Variants in ASRGL1 observed in about 807,000 individuals in gnomAD.
ASRGL1 encodes the protein isoaspartyl peptidase/L-asparaginase.
ASRGL1 carries 16 observed loss-of-function variants against 22.4 expected under a neutral mutation model. The ratio of observed to expected loss-of-function variants is 0.71; its 90% CI spans 0.48 to 1.08. The LOEUF is 1.08. Ranked by LOEUF, ASRGL1 falls within the 50% of genes least tolerant of loss-of-function variation. The pLI, the probability that ASRGL1 is intolerant of heterozygous loss-of-function variation, is 0.00. For synonymous variants in ASRGL1, 165 were observed against 159.3 expected (o/e 1.04, Z -0.27); for missense variants, 412 against 410.1 (o/e 1.00, Z -0.04).
At chr11:62,369,412 A>T (rs985901129) in intron 4 of ASRGL1, among the ~76,000 whole-genome samples, 1 of 152,146 alleles carries the variant, frequency 6.6e-6, no homozygotes, top group Non-Finnish European at 1.5e-5. Context: ...ACTTCTTTCT[A>T]CATAGACACA....
Position 62,362,200 on chromosome 11 carries a change from A to C in ASRGL1, c.491+5056A>C, listed in dbSNP as rs183098665. ...AGAGGGAATAAATGCAGTGTCTTCT[A>C]GATATGCCCAAAGATGGAATATCTT... is the stretch of plus-strand genomic sequence containing the variant. On this transcript the variant is annotated intron_variant, in intron 4 of 6. Transcript: ENST00000415229. Among the ~76,000 whole-genome samples, 539 of 152,078 alleles carry C rather than the reference A, an allele frequency of 3.5e-3. 2 individuals are homozygous for C. Among genetic ancestry groups the C allele is most frequent in the African/African-American group, 0.012 (511 of 41,488 alleles).
chr11:62,362,683 A>ATT (rs1946497561), intron 4 of ASRGL1, among the ~76,000 whole-genome samples: 1 of 85,942 alleles, frequency 1.2e-5, no homozygotes, highest in Non-Finnish European at 2.1e-5. Flanking sequence ...TATATTATAT[A>ATT]AAATATATAT....
At chr11:62,388,381 G>T (rs1383645546) in intron 4 of ASRGL1, among the ~76,000 whole-genome samples, 2 of 152,208 alleles carry the variant, frequency 1.3e-5, no homozygotes, top group African/African-American at 2.4e-5. Flanking sequence ...AGAAACGCAG[G>T]ATCAGCCAGG....
At chr11:62,356,903 TA>T in intron 3 of ASRGL1, 83 bp from the exon 4 acceptor site, 1 of 1,436,830 alleles carries the variant, frequency 7.0e-7, no homozygotes, top group Non-Finnish European at 9.3e-7. Context: ...CAGAGAGAAG[TA>T]ATTATTTCAA....
At chr11:62,373,569 A>G (rs1284035559) in intron 4 of ASRGL1, among the ~76,000 whole-genome samples, 3 of 152,148 alleles carry the variant, frequency 2.0e-5, no homozygotes, top group Non-Finnish European at 2.9e-5. Flanking sequence ...AGGAATCGCC[A>G]TTTACTCAGA....
chr11:62,369,896 T>C (rs929255794), intron 4 of ASRGL1, among the ~76,000 whole-genome samples: 2 of 152,152 alleles, frequency 1.3e-5, no homozygotes, highest in African/African-American at 4.8e-5. Context: ...CTATCTTCCA[T>C]CCAAATGACA....
intron 3 of ASRGL1, 76 bp downstream of exon 3, chr11:62,356,543 A>G (rs1176430987): frequency 6.6e-7 from 1 of 1,504,440 alleles, no homozygotes; most frequent in African/African-American, 1.4e-5. Context: ...CCAACTGTGC[A>G]GAAATACTTG....
intron 2 of ASRGL1, among the ~76,000 whole-genome samples, chr11:62,345,233 G>C (rs1406495487): frequency 6.6e-6 from 1 of 152,190 alleles, no homozygotes; most frequent in Non-Finnish European, 1.5e-5. Context: ...GTAGCCGGCA[G>C]TGGGATTGCT....
chr11:62,386,478 G>GTACACATCA (rs1947212151), intron 4 of ASRGL1, among the ~76,000 whole-genome samples: 1 of 149,176 alleles, frequency 6.7e-6, no homozygotes, highest in Non-Finnish European at 1.5e-5. Context: ...TCATAGATAT[G>GTACACATCA]TACATATATA....
intron 5 of ASRGL1, among the ~76,000 whole-genome samples, chr11:62,390,291 G>T (rs979546723): frequency 6.6e-6 from 1 of 152,236 alleles, no homozygotes; most frequent in Non-Finnish European, 1.5e-5. Context: ...AGAACTCTCT[G>T]TCCAGCTGTG....
chr11:62,375,200 G>C (rs901627229), intron 4 of ASRGL1, among the ~76,000 whole-genome samples: 4 of 151,970 alleles, frequency 2.6e-5, no homozygotes, highest in Admixed American at 1.3e-4. Flanking sequence ...GCTTCCTAAT[G>C]GGTTAAATCC....
At chr11:62,361,481 A>ATTTTTTTTTTTTTTT (rs35345092) in intron 4 of ASRGL1, among the ~76,000 whole-genome samples, 1 of 101,912 alleles carries the variant, frequency 9.8e-6, no homozygotes. Flanking sequence ...AACCTGGCCA[A>ATTTTTTTTTTTTTTT]TTTTTTTTTT....
chr11:62,379,733 A>G (rs1389741050), intron 4 of ASRGL1, among the ~76,000 whole-genome samples: 2 of 152,070 alleles, frequency 1.3e-5, no homozygotes, highest in South Asian at 2.1e-4. Context: ...GCAGGGGACA[A>G]TTGTTGTATT....
At chr11:62,398,115 G>A (rs541045386), downstream of ASRGL1, among the ~76,000 whole-genome samples, 7 of 152,158 alleles carry the variant, frequency 4.6e-5, no homozygotes, top group South Asian at 1.5e-3. Flanking sequence ...GCCACCGCAG[G>A]AGCCATGCAG....
At chr11:62,371,332 G>GGCA in intron 4 of ASRGL1, 1 of 1,239,404 alleles carries the variant, frequency 8.1e-7, no homozygotes, top group East Asian at 2.9e-5. Flanking sequence ...CCCCGGCAGG[G>GGCA]GCAAGCGCGC....
At chr11:62,340,425 C>T (rs1443100106) in intron 2 of ASRGL1, among the ~76,000 whole-genome samples, 2 of 152,204 alleles carry the variant, frequency 1.3e-5, no homozygotes, top group Admixed American at 6.5e-5. Context: ...AAACCTTACG[C>T]TTCTTAGCAC....
chr11:62,372,071 G>A, intron 4 of ASRGL1: 1 of 761,438 alleles, frequency 1.3e-6, no homozygotes, highest in Non-Finnish European at 2.4e-6. Context: ...GCGGACAGTG[G>A]TCTCTGGCTC....
chr11:62,375,476 A>G (rs1174160305), intron 4 of ASRGL1, among the ~76,000 whole-genome samples: 1 of 82,096 alleles, frequency 1.2e-5, no homozygotes, highest in East Asian at 4.6e-4. Flanking sequence ...ATATATATAT[A>G]TATATTTCTT....
intron 4 of ASRGL1, among the ~76,000 whole-genome samples, chr11:62,386,777 A>G (rs1437107379): frequency 6.6e-6 from 1 of 152,184 alleles, no homozygotes; most frequent in Non-Finnish European, 1.5e-5. Flanking sequence ...TGTTGGTACA[A>G]TTGACACTAA....
Sources: allele counts gnomAD v4.1 joint callset (sites outside exome capture counted in the v4.1 genomes callset), GRCh38; gene constraint gnomAD v4.1.1; transcripts MANE v1.5; gene names NCBI Gene and HGNC (gene_info 2026-07-23, HGNC 2026-07-21).